Variants in NBPF3 observed in about 807,000 individuals in gnomAD.
NBPF3 encodes NBPF member 3, also known as NBPF family member NBPF3.
NBPF3 carries 57 observed loss-of-function variants against 78.1 expected under a neutral mutation model. The ratio of observed to expected loss-of-function variants is 0.73; its 90% confidence interval spans 0.59 to 0.91. The LOEUF is 0.91. Among genes scored for constraint, NBPF3 ranks in the 40% least tolerant of loss-of-function variants. The pLI, the probability that NBPF3 is intolerant of heterozygous loss-of-function variation, is 0.00. For synonymous variants in NBPF3, 182 were observed against 271.7 expected, an observed-to-expected ratio of 0.67 and a Z score of 3.25; for missense variants, 510 against 715.3, an observed-to-expected ratio of 0.71 and a Z score of 3.27.
chr1:21,482,803 A>G (rs1455961618), intron 14 of NBPF3, among the ~76,000 whole-genome samples: 1 of 36,608 alleles, frequency 2.7e-5, no homozygotes, highest in Non-Finnish European at 6.2e-5. Context: ...ATGGAAAACT[A>G]TTGAGCTCAC....
chr1:21,464,230 C>G (rs6426707), intron 2 of NBPF3, among the ~76,000 whole-genome samples: 1 of 152,204 alleles, frequency 6.6e-6, no homozygotes, highest in Non-Finnish European at 1.5e-5. Context: ...TAACCACCAT[C>G]AGTTGATGAA....
chr1:21,439,381 T>C (rs1225741706), upstream of NBPF3, among the ~76,000 whole-genome samples: 1 of 151,856 alleles, frequency 6.6e-6, no homozygotes, highest in Admixed American at 6.6e-5. Context: ...CCCAGCTATT[T>C]GGGAGGCTAA....
At chr1:21,437,590 C>A, upstream of NBPF3, 2 of 718,568 alleles carry the variant, frequency 2.8e-6, no homozygotes, top group Admixed American at 3.3e-5. Context: ...TTGGGCATAA[C>A]ACCAGTCGAG....
chr1:21,440,363 C>T lies in NBPF3; in HGVS notation c.-140+15C>T, dbSNP rs1031027836. On this transcript the variant is annotated intron_variant, in intron 1 of 14. Coordinates refer to ENST00000318249, the MANE Select transcript of NBPF3 (RefSeq NM_032264.6). The stretch of plus-strand genomic sequence containing the variant: ...GCGTTTCTCAGGTGAGGGCGCCGCG[C>T]CAGGCTGGACGGGCGGTGAATCCGG... 1 of 151,928 alleles carries T rather than the reference C, an allele frequency of 6.6e-6. No homozygotes were observed. Among genetic ancestry groups the T allele is most frequent in the Non-Finnish European group, 1.5e-5 (1 of 67,978 alleles). 9.4% of individuals were successfully genotyped at this position (151,928 alleles called of 1,614,324 possible).
intron 2 of NBPF3, among the ~76,000 whole-genome samples, chr1:21,448,554 G>A (rs1318172552): frequency 1.1e-4 from 17 of 152,144 alleles, no homozygotes; most frequent in African/African-American, 3.6e-4. Flanking sequence ...TGTAAGTCCT[G>A]AAGTTGATAG....
intron 2 of NBPF3, among the ~76,000 whole-genome samples, chr1:21,458,894 T>C (rs146186372): frequency 6.6e-6 from 1 of 152,342 alleles, no homozygotes; most frequent in African/African-American, 2.4e-5. Flanking sequence ...AGTGGTGCAG[T>C]CTGTTGTACC....
intron 2 of NBPF3, among the ~76,000 whole-genome samples, chr1:21,464,453 A>AG (rs976270665): frequency 5.9e-5 from 9 of 151,706 alleles, no homozygotes; most frequent in Non-Finnish European, 1.0e-4. Flanking sequence ...AGAGCACAAG[A>AG]GGGGGGGAAT....
chr1:21,440,112 T>TGCAGGCGCAGGCGCAGGC (rs66732917), upstream of NBPF3: 2 of 151,614 alleles, frequency 1.3e-5, no homozygotes, highest in Admixed American at 1.3e-4. Flanking sequence ...GCCAGTGGGC[T>TGCAGGCGCAGGCGCAGGC]GCAGGCGCAG....
chr1:21,446,253 C>T (rs1162634918), intron 2 of NBPF3: 1 of 152,180 alleles, frequency 6.6e-6, no homozygotes, highest in African/African-American at 2.4e-5. Context: ...GACTCAGTGT[C>T]TCTGGCAACA....
intron 6 of NBPF3, 144 bp downstream of exon 6, chr1:21,473,059 A>C: frequency 1.4e-6 from 1 of 729,676 alleles, no homozygotes; most frequent in East Asian, 2.6e-5. Context: ...GCTTGGACAC[A>C]GGGTGTGGCA....
intron 11 of NBPF3, among the ~76,000 whole-genome samples, chr1:21,480,635 G>T (rs1441707251): frequency 6.6e-6 from 1 of 152,306 alleles, no homozygotes; most frequent in Non-Finnish European, 1.5e-5. Flanking sequence ...AATCATCTGG[G>T]GCATTTTCTT....
chr1:21,438,775 C>T (rs6668141), upstream of NBPF3, among the ~76,000 whole-genome samples: 24 of 152,216 alleles, frequency 1.6e-4, no homozygotes, highest in African/African-American at 5.3e-4. Context: ...TTCCCTAGGG[C>T]CTGGGGTGAG....
At chr1:21,462,828 G>C (rs1339181615) in intron 2 of NBPF3, among the ~76,000 whole-genome samples, 7 of 152,136 alleles carry the variant, frequency 4.6e-5, no homozygotes, top group African/African-American at 1.7e-4. Context: ...ATCTTTCTGA[G>C]TTTGTTTTCT....
At chr1:21,457,270 T>G (rs901795233) in intron 2 of NBPF3, among the ~76,000 whole-genome samples, 6 of 151,082 alleles carry the variant, frequency 4.0e-5, no homozygotes, top group Non-Finnish European at 7.4e-5. Flanking sequence ...CAGGGAACAT[T>G]AAGAGAACAT....
intron 2 of NBPF3, chr1:21,467,390 A>T (rs1200337561): frequency 1.0e-6 from 1 of 985,708 alleles, no homozygotes; most frequent in Non-Finnish European, 1.2e-6. Flanking sequence ...CTAGGTGGGG[A>T]TGAAAGCTGA....
chr1:21,467,005 C>T (rs1005990499), intron 2 of NBPF3: 3 of 984,778 alleles, frequency 3.0e-6, no homozygotes, highest in Non-Finnish European at 3.6e-6. Flanking sequence ...GTGCTGAAAA[C>T]TCACCCCTGT....
At chr1:21,441,187 A>G (rs1289158239) in intron 1 of NBPF3, among the ~76,000 whole-genome samples, 1 of 152,216 alleles carries the variant, frequency 6.6e-6, no homozygotes, top group Non-Finnish European at 1.5e-5. Flanking sequence ...AATGAATCCC[A>G]GTGCTTCACG....
chr1:21,473,246 T>C, intron 6 of NBPF3, 134 bp from the exon 7 acceptor site: 1 of 1,131,622 alleles, frequency 8.8e-7, no homozygotes, highest in South Asian at 1.3e-5. Context: ...GCCTGTTCCC[T>C]CTTAAAGGGA....
At position 21,476,886 on chromosome 1, in the gene NBPF3, C is replaced by T. The variant is rs7515706; in HGVS notation, c.993-1258C>T. Reference sequence around the variant, plus strand: ...TGAAGAGTGTTTTCCAACTTGGTTCCATTCTCCCCGTCACTTTCAGGTACA... The same window carrying T: ...TGAAGAGTGTTTTCCAACTTGGTTCTATTCTCCCCGTCACTTTCAGGTACA... On this transcript the variant is annotated intron_variant, in intron 8 of 14. Coordinates refer to ENST00000318249, the MANE Select transcript of NBPF3 (RefSeq NM_032264.6). The surrounding 1 kb of genome is among the most constrained non-coding windows in gnomAD (Gnocchi z 4.1). Among the ~76,000 whole-genome samples, 4,023 of 152,250 alleles carry T rather than the reference C, an allele frequency of 0.026. 170 individuals carry two copies. Among genetic ancestry groups the T allele is most frequent in the African/African-American group, 0.091 (3,763 of 41,520 alleles).
Sources: allele counts gnomAD v4.1 joint callset (sites outside exome capture counted in the v4.1 genomes callset), GRCh38; gene constraint gnomAD v4.1.1; non-coding constraint Gnocchi (gnomAD v3.1); transcripts MANE v1.5; gene names NCBI Gene and HGNC (gene_info 2026-07-23, HGNC 2026-07-21).